LIN7A: variants seen among roughly 807,000 people sequenced by gnomAD.
The protein encoded by LIN7A is protein lin-7 homolog A.
In LIN7A, 25 loss-of-function variants were observed where a neutral mutation model predicts 29.8. The ratio of observed to expected loss-of-function variants is 0.84; its 90% CI spans 0.61 to 1.17. The LOEUF is 1.17. LIN7A is among the 50% of genes most tolerant of loss of function. The pLI is 0.00. For synonymous variants in LIN7A, 118 were observed against 107.5 expected (o/e 1.10, Z -0.60); for missense variants, 239 against 287.0 (o/e 0.83, Z 1.21).
intron 3 of LIN7A, 120 bp from the exon 4 acceptor site, chr12:80,846,059 A>T: frequency 4.8e-6 from 4 of 833,588 alleles, no homozygotes; most frequent in African/African-American, 1.8e-5. Context: ...TTCTCCTGTG[A>T]AAGAAAGAAC....
At chr12:80,809,166 C>T (rs1341410471) in intron 5 of LIN7A, among the ~76,000 whole-genome samples, 2 of 151,930 alleles carry the variant, frequency 1.3e-5, no homozygotes, top group Non-Finnish European at 2.9e-5. Flanking sequence ...TGGGATTTGA[C>T]GATGTTGGTC....
chr12:80,929,192 T>C (rs1028815313), intron 1 of LIN7A, among the ~76,000 whole-genome samples: 2 of 152,208 alleles, frequency 1.3e-5, no homozygotes, highest in African/African-American at 4.8e-5. Flanking sequence ...CTCAATCTTT[T>C]CCAAATAAAA....
At chr12:80,884,980 A>G (rs567572028) in intron 2 of LIN7A, among the ~76,000 whole-genome samples, 1 of 152,300 alleles carries the variant, frequency 6.6e-6, no homozygotes, top group South Asian at 2.1e-4. Context: ...TTGGAAGATG[A>G]TGATAGTACA....
chr12:80,814,268 T>C lies in LIN7A; in HGVS notation c.484-2585A>G, dbSNP rs546003690. ...ACAGCATCGTGCAATATAAACCCTA[T>C]TTTCAGTATGTTTGTAATTTCTTTA... On this transcript the variant is annotated intron_variant, in intron 4 of 5. Coordinates refer to ENST00000552864, the MANE Select transcript of LIN7A (RefSeq NM_004664.4). Among the ~76,000 whole-genome samples, 8 of 152,280 alleles carry C rather than the reference T, an allele frequency of 5.3e-5. No homozygotes were observed. The South Asian group carries it at 1.7e-3, about 32-fold the overall frequency.
intron 1 of LIN7A, among the ~76,000 whole-genome samples, chr12:80,917,175 AC>A (rs996631615): frequency 6.6e-6 from 1 of 152,216 alleles, no homozygotes; most frequent in African/African-American, 2.4e-5. Context: ...GGGCAAGGCA[AC>A]AAAAAATTCA....
intron 2 of LIN7A, among the ~76,000 whole-genome samples, chr12:80,865,475 G>A (rs1224096753): frequency 6.6e-6 from 1 of 152,306 alleles, no homozygotes; most frequent in South Asian, 2.1e-4. Flanking sequence ...CAATGGAGAA[G>A]AGGGATGAGA....
chr12:80,847,439 AAG>A (rs1216966469), intron 3 of LIN7A, among the ~76,000 whole-genome samples: 1 of 152,242 alleles, frequency 6.6e-6, no homozygotes, highest in African/African-American at 2.4e-5. Flanking sequence ...CTAAAAAATC[AAG>A]AGAGAAACTA....
intron 2 of LIN7A, among the ~76,000 whole-genome samples, chr12:80,884,791 C>T (rs1217328174): frequency 6.6e-6 from 1 of 152,078 alleles, no homozygotes; most frequent in Non-Finnish European, 1.5e-5. Context: ...TGGTGATTAG[C>T]CAAAGAAGGC....
rs538602326 is a variant in LIN7A at position 80,925,107 on chromosome 12, T to A, written c.82+12534A>T. The stretch of plus-strand genomic sequence containing the variant: ...AAACCACTAATTTACTCAGCAAATG[T>A]TTGAGCACATATCTTTCAAGCACTG... On this transcript the variant is annotated intron_variant, in intron 1 of 5. Transcript: ENST00000552864. Among the ~76,000 whole-genome samples the A allele has an allele frequency of 2.0e-4, 31 of 152,280 alleles. 1 individual carries two copies. Among genetic ancestry groups the A allele is most frequent in the African/African-American group, 7.0e-4 (29 of 41,574 alleles).
intron 4 of LIN7A, among the ~76,000 whole-genome samples, chr12:80,828,134 A>G (rs558347181): frequency 1.3e-5 from 2 of 152,348 alleles, no homozygotes; most frequent in South Asian, 4.1e-4. Flanking sequence ...AAAACATAGA[A>G]GTATAAATTG....
intron 1 of LIN7A, among the ~76,000 whole-genome samples, chr12:80,916,696 A>T (rs1877046041): frequency 6.6e-6 from 1 of 152,206 alleles, no homozygotes; most frequent in African/African-American, 2.4e-5. Context: ...AAAAGAGCAT[A>T]CAGGTGCTTT....
chr12:80,852,408 C>T (rs942097037), intron 2 of LIN7A, among the ~76,000 whole-genome samples: 1 of 152,106 alleles, frequency 6.6e-6, no homozygotes, highest in Non-Finnish European at 1.5e-5. Flanking sequence ...GTGAGTTTCT[C>T]ATTCTGGATC....
chr12:80,807,370 C>G (rs1039883720), intron 5 of LIN7A, among the ~76,000 whole-genome samples: 1 of 151,704 alleles, frequency 6.6e-6, no homozygotes, highest in Non-Finnish European at 1.5e-5. Flanking sequence ...GCACCTGGCC[C>G]GAAGATGGAG....
chr12:80,799,503 G>C (rs1309427285), intron 5 of LIN7A, among the ~76,000 whole-genome samples: 1 of 152,046 alleles, frequency 6.6e-6, no homozygotes, highest in Admixed American at 6.6e-5. Context: ...TTAAAATAGG[G>C]AAATAACCCT....
At chr12:80,906,633 G>A (rs1446184066) in intron 1 of LIN7A, among the ~76,000 whole-genome samples, 2 of 151,928 alleles carry the variant, frequency 1.3e-5, no homozygotes, top group Non-Finnish European at 2.9e-5. Context: ...GGAGCCAGAC[G>A]CAAAGAAGGG....
intron 1 of LIN7A, among the ~76,000 whole-genome samples, chr12:80,909,676 G>A (rs1046750383): frequency 1.3e-5 from 2 of 151,866 alleles, no homozygotes; most frequent in Non-Finnish European, 2.9e-5. Context: ...TAACTTAATC[G>A]CATCCCCAAA....
intron 4 of LIN7A, among the ~76,000 whole-genome samples, chr12:80,843,976 TTATATA>T (rs772474959): frequency 6.7e-6 from 1 of 150,278 alleles, no homozygotes; most frequent in Non-Finnish European, 1.5e-5. Flanking sequence ...ATTAAATTTA[TTATATA>T]TATATATATT....
At chr12:80,923,026 T>A (rs1449211948) in intron 1 of LIN7A, among the ~76,000 whole-genome samples, 1 of 152,144 alleles carries the variant, frequency 6.6e-6, no homozygotes, top group Non-Finnish European at 1.5e-5. Flanking sequence ...TGTGAGGGTG[T>A]TTCTGGAAGA....
rs140790943 is a variant in LIN7A at position 80,924,692 on chromosome 12, C to T, written c.82+12949G>A. 2.2e-3 allele frequency among the ~76,000 whole-genome samples: 331 copies of T among 152,170 alleles called. 2 individuals carry two copies. Among genetic ancestry groups the T allele is most frequent in the African/African-American group, 7.4e-3 (309 of 41,510 alleles). ...TTTCTCAGCATTATGTGATGCATCG[C>T]AATTAAATAGAACTAAAAAGAAAGT... On this transcript the variant is annotated intron_variant, in intron 1 of 5. Transcript: ENST00000552864.
Sources: gnomAD v4.1 joint callset for allele counts (sites outside exome capture counted in the v4.1 genomes callset) on GRCh38, gnomAD v4.1.1 for gene constraint, MANE v1.5 for transcripts, NCBI Gene and HGNC (gene_info 2026-07-23, HGNC 2026-07-21) for gene names.